Variants in PRKG1 observed in about 807,000 individuals in gnomAD.
The protein encoded by PRKG1 is protein kinase cGMP-dependent 1.
PRKG1 carries 35 observed loss-of-function variants against 88.1 expected under a neutral mutation model. The observed-to-expected ratio is 0.40, with a 90% CI of 0.30 to 0.53. The LOEUF is 0.53. Ranked by LOEUF, PRKG1 falls within the 20% of genes least tolerant of loss-of-function variation. The probability of loss-of-function intolerance (pLI) is 0.59; values close to 1 mark genes in which losing one functional copy is unlikely to be tolerated. For synonymous variants in PRKG1, 303 were observed against 292.5 expected, an observed-to-expected ratio of 1.04 and a Z score of -0.37; for missense variants, 540 against 839.8, an observed-to-expected ratio of 0.64 and a Z score of 4.41.
intron 3 of PRKG1, among the ~76,000 whole-genome samples, chr10:51,615,213 T>G (rs899719065): frequency 2.6e-5 from 4 of 151,996 alleles, no homozygotes; most frequent in Admixed American, 1.3e-4. Flanking sequence ...GGCTGATGGG[T>G]TTTTTAAGGC....
intron 5 of PRKG1, among the ~76,000 whole-genome samples, chr10:51,970,188 C>T (rs1446578216): frequency 6.6e-6 from 1 of 151,902 alleles, no homozygotes; most frequent in Non-Finnish European, 1.5e-5. Flanking sequence ...GTGCAGTTAT[C>T]AGCTTCAGTA....
chr10:51,409,143 T>C (rs1838005164), intron 2 of PRKG1, among the ~76,000 whole-genome samples: 1 of 152,210 alleles, frequency 6.6e-6, no homozygotes, highest in African/African-American at 2.4e-5. Flanking sequence ...TCCTCAGGGA[T>C]GTCCCAGAAA....
intron 1 of PRKG1, among the ~76,000 whole-genome samples, chr10:51,119,819 AAAT>A (rs1014562643): frequency 6.6e-6 from 1 of 152,132 alleles, no homozygotes; most frequent in Non-Finnish European, 1.5e-5. Context: ...TTCGTATAAA[AAAT>A]AATTAATTTT....
intron 9 of PRKG1, among the ~76,000 whole-genome samples, chr10:52,233,455 G>A (rs1418565302): frequency 2.0e-5 from 3 of 146,664 alleles, no homozygotes; most frequent in South Asian, 2.3e-4. Flanking sequence ...CAGTGGGTGC[G>A]TGCACCGTGC....
chr10:51,313,576 G>T (rs1341899294), intron 2 of PRKG1, among the ~76,000 whole-genome samples: 1 of 152,132 alleles, frequency 6.6e-6, no homozygotes, highest in African/African-American at 2.4e-5. Context: ...ATAGGTTAAA[G>T]ACTGAGATGG....
chr10:51,702,232 A>G (rs1283895667), intron 3 of PRKG1, among the ~76,000 whole-genome samples: 1 of 152,212 alleles, frequency 6.6e-6, no homozygotes, highest in Non-Finnish European at 1.5e-5. Flanking sequence ...TGCTTTAGTC[A>G]CAGGCTTTCC....
At chr10:51,106,774 T>C (rs934409301) in intron 1 of PRKG1, among the ~76,000 whole-genome samples, 6 of 152,182 alleles carry the variant, frequency 3.9e-5, no homozygotes, top group African/African-American at 1.4e-4. Context: ...CAAAACTTCA[T>C]GGTGGGGACA....
At chr10:51,949,326 G>A (rs990493838) in intron 5 of PRKG1, among the ~76,000 whole-genome samples, 1 of 152,038 alleles carries the variant, frequency 6.6e-6, no homozygotes, top group Non-Finnish European at 1.5e-5. Context: ...AAGAAATTTG[G>A]TTTAGGCTGG....
chr10:51,259,100 A>C (rs544335009), intron 2 of PRKG1, among the ~76,000 whole-genome samples: 11 of 152,312 alleles, frequency 7.2e-5, no homozygotes, highest in Admixed American at 7.2e-4. Context: ...CACATTTACT[A>C]TATGAAAAGT....
chr10:51,142,790 A>G (rs1462888231), intron 1 of PRKG1, among the ~76,000 whole-genome samples: 1 of 152,086 alleles, frequency 6.6e-6, no homozygotes, highest in African/African-American at 2.4e-5. Context: ...TGTTTTGAAA[A>G]CATGAAATGC....
At chr10:52,063,081 CTGAGTTTTGCT>C (rs1846275278) in intron 7 of PRKG1, among the ~76,000 whole-genome samples, 1 of 152,044 alleles carries the variant, frequency 6.6e-6, no homozygotes. Context: ...GCGCCTTCAC[CTGAGTTTTGCT>C]TGGGCCCATT....
intron 9 of PRKG1, among the ~76,000 whole-genome samples, chr10:52,188,500 G>T (rs1246378106): frequency 6.6e-6 from 1 of 151,238 alleles, no homozygotes; most frequent in Non-Finnish European, 1.5e-5. Context: ...CCACAGGCAT[G>T]TGCCACCATG....
chr10:51,525,693 G>A lies in PRKG1; in HGVS notation c.592+57857G>A, dbSNP rs190765328. 9.9e-5 allele frequency among the ~76,000 whole-genome samples: 15 copies of A among 151,576 alleles called. No homozygotes were observed. In the East Asian group the frequency reaches 2.7e-3, roughly 27 times the overall value. On this transcript the variant is annotated intron_variant, in intron 3 of 17. Coordinates refer to ENST00000373980, the MANE Select transcript of PRKG1 (RefSeq NM_006258.4). ...AGCCTGGGCAACAGAGTGAGACTCT[G>A]TCTCAAAAAATAAAAAGAAAAAAAA... is the stretch of plus-strand genomic sequence containing the variant.
At chr10:52,183,348 C>T (rs1392655182) in intron 9 of PRKG1, among the ~76,000 whole-genome samples, 1 of 152,150 alleles carries the variant, frequency 6.6e-6, no homozygotes, top group Non-Finnish European at 1.5e-5. Flanking sequence ...TTCTCAGGAC[C>T]TGGGCGTGAG....
At chr10:51,566,591 G>A (rs939213447) in intron 3 of PRKG1, among the ~76,000 whole-genome samples, 10 of 151,954 alleles carry the variant, frequency 6.6e-5, no homozygotes, top group Admixed American at 3.3e-4. Flanking sequence ...GTTGGGGTGG[G>A]CAGGTAAGAT....
chr10:51,881,483 C>T (rs1205670173), intron 4 of PRKG1, among the ~76,000 whole-genome samples: 3 of 152,168 alleles, frequency 2.0e-5, no homozygotes, highest in Middle Eastern at 3.2e-3. Flanking sequence ...GCTTCTTCCA[C>T]ATGATCTTTC....
intron 4 of PRKG1, among the ~76,000 whole-genome samples, chr10:51,878,994 C>A (rs185130079): frequency 4.5e-4 from 69 of 152,310 alleles, no homozygotes; most frequent in African/African-American, 1.6e-3. Flanking sequence ...CATTACTGAC[C>A]TATCTATAAC....
rs533172428 is a variant in PRKG1 at position 51,709,954 on chromosome 10, G to A, written c.593-94631G>A. On this transcript the variant is annotated intron_variant, in intron 3 of 17. Coordinates refer to ENST00000373980, the MANE Select transcript of PRKG1 (RefSeq NM_006258.4). Reference sequence around the variant, plus strand: ...ACAATGCTTTAGGATACTAAAGCTAGGATACTCATTATTCAACTAAATGTT... The same window carrying A: ...ACAATGCTTTAGGATACTAAAGCTAAGATACTCATTATTCAACTAAATGTT... Among the ~76,000 whole-genome samples, 12 of 152,218 alleles carry A rather than the reference G, an allele frequency of 7.9e-5. No individual in the cohort carries two copies. The South Asian group carries it at 2.5e-3, about 32-fold the overall frequency.
intron 2 of PRKG1, among the ~76,000 whole-genome samples, chr10:51,433,845 T>A (rs1283876425): frequency 6.6e-6 from 1 of 152,164 alleles, no homozygotes; most frequent in Non-Finnish European, 1.5e-5. Context: ...CATAATAGAC[T>A]GATGGTATTA....
Sources: gnomAD v4.1 joint callset for allele counts (sites outside exome capture counted in the v4.1 genomes callset) on GRCh38, gnomAD v4.1.1 for gene constraint, MANE v1.5 for transcripts, NCBI Gene and HGNC (gene_info 2026-07-23, HGNC 2026-07-21) for gene names.